The following MYCT1 variants were observed in gnomAD, a reference collection of about 807,000 sequenced individuals.
The protein encoded by MYCT1 is myc target protein 1.
A neutral mutation model predicts 15.0 loss-of-function variants in MYCT1; 12 were observed. That is an observed-to-expected ratio of 0.80 (90% confidence interval 0.51 to 1.29). The LOEUF (loss-of-function observed/expected upper bound fraction) is 1.29, where lower values mean the gene tolerates loss of function less well. MYCT1 is among the 50% of genes most tolerant of loss of function. MYCT1 has a pLI of 0.00. For missense variants in MYCT1, 287 were observed against 279.1 expected (o/e 1.03, Z -0.20); for synonymous variants, 104 against 102.7 (o/e 1.01, Z -0.07).
At chr6:152,732,927 C>T in the MYCT1 span, among the ~76,000 whole-genome samples, 1 of 152,206 alleles carries the variant, frequency 6.6e-6, no homozygotes. Context: ...ACATTAGCGC[C>T]TTCTCACAGC....
intron 1 of MYCT1, among the ~76,000 whole-genome samples, chr6:152,708,382 T>C (rs555003925): frequency 2.0e-5 from 3 of 152,082 alleles, no homozygotes; most frequent in Admixed American, 2.0e-4. Context: ...ATTTTCAATA[T>C]AAAAAACAAG....
chr6:152,698,651 T>C (rs895174205), intron 1 of MYCT1, among the ~76,000 whole-genome samples: 2 of 152,018 alleles, frequency 1.3e-5, no homozygotes, highest in African/African-American at 4.8e-5. Flanking sequence ...ACAGGTAAAA[T>C]AAATGAATGA....
At chr6:152,731,410 G>A in the MYCT1 span, among the ~76,000 whole-genome samples, 4 of 152,038 alleles carry the variant, frequency 2.6e-5, no homozygotes, top group Non-Finnish European at 5.9e-5. Flanking sequence ...TAGGGTACAT[G>A]TGCACAACAT....
the MYCT1 span, among the ~76,000 whole-genome samples, chr6:152,731,895 C>A: frequency 6.6e-6 from 1 of 152,034 alleles, no homozygotes; most frequent in Non-Finnish European, 1.5e-5. Context: ...CTATAGGGCA[C>A]ATGCCACCAC....
At chr6:152,741,430 A>G in the MYCT1 span, among the ~76,000 whole-genome samples, 7 of 152,278 alleles carry the variant, frequency 4.6e-5, no homozygotes, top group South Asian at 1.4e-3. Flanking sequence ...TCCACCTTGA[A>G]TGTTTATTCT....
intron 1 of MYCT1, among the ~76,000 whole-genome samples, chr6:152,708,002 A>G (rs1262122198): frequency 1.3e-5 from 2 of 151,970 alleles, no homozygotes; most frequent in Non-Finnish European, 2.9e-5. Context: ...CATTTGTAAA[A>G]TAATACAAAC....
At chr6:152,729,908 C>A in the MYCT1 span, among the ~76,000 whole-genome samples, 5 of 152,088 alleles carry the variant, frequency 3.3e-5, no homozygotes, top group African/African-American at 1.2e-4. Flanking sequence ...CAGAGTCAGG[C>A]AAATATCTTC....
At chr6:152,698,452 C>T (rs545850168) in intron 1 of MYCT1, among the ~76,000 whole-genome samples, 1 of 151,978 alleles carries the variant, frequency 6.6e-6, no homozygotes, top group South Asian at 2.1e-4. Flanking sequence ...TAGAATATGG[C>T]ATGTAGATTT....
chr6:152,713,683 A>G (rs533846390), intron 1 of MYCT1, among the ~76,000 whole-genome samples: 140 of 152,230 alleles, frequency 9.2e-4, no homozygotes, highest in African/African-American at 3.3e-3. Flanking sequence ...TGTGTGATTC[A>G]GGAGTCAACC....
the MYCT1 span, among the ~76,000 whole-genome samples, chr6:152,740,298 C>G: frequency 6.6e-6 from 1 of 152,154 alleles, no homozygotes; most frequent in South Asian, 2.1e-4. Context: ...CATTGGCCCA[C>G]CTCAGCCTCC....
chr6:152,701,686 C>CT (rs918897806), intron 1 of MYCT1, among the ~76,000 whole-genome samples: 1 of 152,128 alleles, frequency 6.6e-6, no homozygotes, highest in African/African-American at 2.4e-5. Flanking sequence ...TTCTCATCAG[C>CT]TTTTGAGACA....
downstream of MYCT1, among the ~76,000 whole-genome samples, chr6:152,728,162 T>TG (rs755481447): frequency 3.1e-4 from 37 of 118,940 alleles, no homozygotes; most frequent in East Asian, 5.3e-4. Flanking sequence ...AGCCTCTGTC[T>TG]GGAAAAAAAA....
At chr6:152,719,398 A>G (rs1025390109) in intron 1 of MYCT1, among the ~76,000 whole-genome samples, 4 of 152,346 alleles carry the variant, frequency 2.6e-5, no homozygotes, top group African/African-American at 9.6e-5. Context: ...ATGAATTAAG[A>G]TGCTTTGGTC....
At chr6:152,745,281 G>T in the MYCT1 span, among the ~76,000 whole-genome samples, 2 of 152,114 alleles carry the variant, frequency 1.3e-5, no homozygotes, top group African/African-American at 4.8e-5. Flanking sequence ...AGAGTAAAAT[G>T]AACACAAAAA....
chr6:152,718,579 A>G (rs1184378551), intron 1 of MYCT1, among the ~76,000 whole-genome samples: 1 of 152,074 alleles, frequency 6.6e-6, no homozygotes, highest in Non-Finnish European at 1.5e-5. Context: ...ATTATTTTTC[A>G]TTGATTGTGT....
At chr6:152,724,589 T>A (rs1033899776), downstream of MYCT1, 1 of 152,216 alleles carries the variant, frequency 6.6e-6, no homozygotes, top group Non-Finnish European at 1.5e-5. Flanking sequence ...AAAATTCATT[T>A]ATGAAATAAT....
chr6:152,728,306 G>A (rs575821015), downstream of MYCT1, among the ~76,000 whole-genome samples: 1 of 152,268 alleles, frequency 6.6e-6, no homozygotes, highest in African/African-American at 2.4e-5. Context: ...TTAAGTAACA[G>A]AAGTCAAACA....
chr6:152,707,239 G>A (rs186144300), intron 1 of MYCT1, among the ~76,000 whole-genome samples: 17 of 151,962 alleles, frequency 1.1e-4, no homozygotes, highest in African/African-American at 3.4e-4. Flanking sequence ...TTTGATTTGC[G>A]TTTCCCTGAT....
chr6:152,721,894 A>G lies in MYCT1; in HGVS notation c.349A>G (p.Thr117Ala), dbSNP rs766598428. ...SSSRRSRSSY[T>A]HGLNRTGFYR... is the part of the protein sequence containing the mutation. ...AAGCAGGAGATCTAGGTCTTCTTACACCCACGGCCTCAACAGAACTGGATT... is the reference window on the plus strand; with the variant it reads ...AAGCAGGAGATCTAGGTCTTCTTACGCCCACGGCCTCAACAGAACTGGATT... The change falls in exon 2 of 2, where the codon ACC becomes GCC. Residue 117 changes from threonine (T) to alanine (A), a missense_variant. By Grantham distance (58) the Thr-to-Ala change is moderately conservative. Transcript: ENST00000367245. 1.9e-6 allele frequency: 3 copies of G among 1,613,886 alleles called. No individual in the cohort carries two copies. Among genetic ancestry groups the G allele is most frequent in the African/African-American group, 2.7e-5 (2 of 74,854 alleles).
Sources: allele counts gnomAD v4.1 joint callset (sites outside exome capture counted in the v4.1 genomes callset), GRCh38; gene constraint gnomAD v4.1.1; transcripts MANE v1.5; gene names NCBI Gene and HGNC (gene_info 2026-07-23, HGNC 2026-07-21).